The following DCBLD1 variants were observed in gnomAD, a reference collection of about 807,000 sequenced individuals.
The protein encoded by DCBLD1 is discoidin, CUB and LCCL domain containing 1, also known as discoidin, CUB and LCCL domain-containing protein 1.
DCBLD1 carries 57 observed loss-of-function variants against 71.5 expected under a neutral mutation model. The ratio of observed to expected loss-of-function variants is 0.80; its 90% CI spans 0.64 to 0.99. The LOEUF (loss-of-function observed/expected upper bound fraction) is 0.99. Ranked by LOEUF, DCBLD1 falls within the 50% of genes least tolerant of loss-of-function variation. DCBLD1 has a pLI of 0.00. For synonymous variants in DCBLD1, 380 were observed against 363.8 expected (o/e 1.04, Z -0.51); for missense variants, 891 against 923.5 (o/e 0.96, Z 0.46).
At position 117,537,363 on chromosome 6, in the gene DCBLD1, T is replaced by A. The variant is rs1778917253; in HGVS notation, c.760+138T>A. The stretch of plus-strand genomic sequence containing the variant: ...TCCTGGCTAACACAGTGAAACCCCG[T>A]CTCTACTAAAAATACAAAAAATTAG... On this transcript the variant is annotated intron_variant, in intron 7 of 14. Transcript: ENST00000338728. The A allele has an allele frequency of 1.3e-5, 9 of 709,020 alleles. No homozygotes were observed. In the South Asian group the frequency reaches 1.6e-4, roughly 13 times the overall value. 43.9% of individuals were successfully genotyped at this position (709,020 alleles called of 1,614,324 possible).
intron 1 of DCBLD1, among the ~76,000 whole-genome samples, chr6:117,501,514 A>G (rs2114416503): frequency 6.6e-6 from 1 of 152,192 alleles, no homozygotes; most frequent in East Asian, 1.9e-4. Flanking sequence ...TTGTATTTTT[A>G]GTAGACACAG....
At chr6:117,557,764 C>G (rs1439405790) in intron 14 of DCBLD1, among the ~76,000 whole-genome samples, 4 of 151,766 alleles carry the variant, frequency 2.6e-5, no homozygotes, top group Non-Finnish European at 5.9e-5. Context: ...AACTCCGTCT[C>G]AAAAAAAATA....
intron 1 of DCBLD1, among the ~76,000 whole-genome samples, chr6:117,491,646 G>A (rs1777297345): frequency 6.6e-6 from 1 of 152,024 alleles, no homozygotes; most frequent in African/African-American, 2.4e-5. Context: ...AATTTCCCAA[G>A]CTATCCTAAA....
At chr6:117,511,367 T>C (rs926181453) in intron 2 of DCBLD1, among the ~76,000 whole-genome samples, 4 of 152,208 alleles carry the variant, frequency 2.6e-5, no homozygotes, top group Non-Finnish European at 4.4e-5. Context: ...AGAAAGAAAC[T>C]CTTTACTATA....
Position 117,544,593 on chromosome 6 carries a change from T to C in DCBLD1, c.1495+16T>C. The C allele has an allele frequency of 1.2e-6, 2 of 1,613,354 alleles. No homozygotes were observed. The highest frequency in any genetic ancestry group is 1.7e-6 in the Non-Finnish European group (2 of 1,179,560). On this transcript the variant is annotated intron_variant, in intron 13 of 14. Coordinates refer to ENST00000338728, the MANE Select transcript of DCBLD1 (RefSeq NM_001366458.2). The stretch of plus-strand genomic sequence containing the variant: ...CAGAAAACAGGTTGGTTGAAAACTC[T>C]ATCTACAATTTTATCTGTCTTTGAG...
Position 117,549,556 on chromosome 6 carries a change from G to A in DCBLD1, c.*1117G>A, listed in dbSNP as rs559007551. On this transcript the variant is annotated 3_prime_UTR_variant, in exon 15 of 15. Transcript: ENST00000338728. Reference sequence around the variant, plus strand: ...AGATTTAACCTCTTTTGCCAAAGAGGGAAGTGTGTGTGTTTTTTTAATAGA... The same window carrying A: ...AGATTTAACCTCTTTTGCCAAAGAGAGAAGTGTGTGTGTTTTTTTAATAGA... 2.6e-5 allele frequency: 26 copies of A among 985,242 alleles called. 1 individual carries two copies. The South Asian group carries it at 9.9e-4, about 37-fold the overall frequency. 61.0% of individuals were successfully genotyped at this position (985,242 alleles called of 1,614,324 possible). A position where few individuals can be genotyped will look rare whatever the true frequency, so the allele number is the denominator to read the frequency against.
intron 14 of DCBLD1, chr6:117,560,473 C>CA (rs1470258344): frequency 5.2e-6 from 1 of 192,638 alleles, no homozygotes; most frequent in Non-Finnish European, 1.1e-5. Context: ...ATCAGGATGT[C>CA]AAATACTGTG....
At chr6:117,506,873 T>A (rs1030517564) in intron 2 of DCBLD1, among the ~76,000 whole-genome samples, 1 of 152,226 alleles carries the variant, frequency 6.6e-6, no homozygotes, top group African/African-American at 2.4e-5. Flanking sequence ...AGAGAATGCA[T>A]GTTCTGGAAT....
intron 2 of DCBLD1, among the ~76,000 whole-genome samples, chr6:117,508,492 A>G (rs1051868954): frequency 5.3e-5 from 8 of 152,222 alleles, no homozygotes; most frequent in Admixed American, 2.0e-4. Context: ...ATTTATTTAT[A>G]ACACTGAAGA....
chr6:117,522,156 T>G (rs1426451792), intron 4 of DCBLD1, among the ~76,000 whole-genome samples: 1 of 152,248 alleles, frequency 6.6e-6, no homozygotes, highest in Non-Finnish European at 1.5e-5. Context: ...TTAGTCACTT[T>G]GATGTACATT....
chr6:117,499,616 GATATT>G (rs1777585469), intron 1 of DCBLD1, among the ~76,000 whole-genome samples: 1 of 152,094 alleles, frequency 6.6e-6, no homozygotes, highest in Non-Finnish European at 1.5e-5. Flanking sequence ...AATACAGAGA[GATATT>G]GTATACATTT....
chr6:117,509,050 C>T (rs922751607), intron 2 of DCBLD1, among the ~76,000 whole-genome samples: 63 of 152,298 alleles, frequency 4.1e-4, no homozygotes, highest in African/African-American at 1.5e-3. Context: ...CAAGTGTGAG[C>T]CACCGCGCCT....
downstream of DCBLD1, chr6:117,549,939 A>G (rs1779398041): frequency 1.2e-6 from 1 of 836,840 alleles, no homozygotes; most frequent in Non-Finnish European, 1.4e-6. Flanking sequence ...TCTACCACAG[A>G]AGAGAAGTCT....
intron 10 of DCBLD1, 33 bp from the exon 11 acceptor site, chr6:117,540,885 C>A (rs2071825): frequency 0.48 from 775,787 of 1,613,736 alleles, 191,399 homozygotes; most frequent in South Asian, 0.61. Flanking sequence ...CATTGTTACT[C>A]ATGTGGTTTT....
rs201430056 is a variant in DCBLD1, at chr6:117,540,682, C to G, written c.1116C>G (p.Asn372Lys). Residue 372 changes from asparagine to lysine, a missense_variant, in exon 10 of 15, where the codon AAC (asparagine) becomes AAG (lysine). By Grantham distance (94) the Asn-to-Lys change is moderately conservative (BLOSUM62 0). Transcript: ENST00000338728. ...TCCTTCTATAGGTGTTTCAGGGTAA[C>G]TCTAACTTTCGGGACCCAGTGCAAA... ...VNNEEKVFQG[N>K]SNFRDPVQNN... 1 of 1,614,036 alleles carries G rather than the reference C, an allele frequency of 6.2e-7. No homozygotes were observed. Among genetic ancestry groups the G allele is most frequent in the East Asian group, 2.2e-5 (1 of 44,888 alleles).
At chr6:117,550,352 G>T (rs1779407631), downstream of DCBLD1, among the ~76,000 whole-genome samples, 1 of 152,170 alleles carries the variant, frequency 6.6e-6, no homozygotes, top group Admixed American at 6.5e-5. Flanking sequence ...TAAACTAGAG[G>T]ATAAGGGCAG....
At chr6:117,569,157 T>C (rs1046351780) in intron 14 of DCBLD1, among the ~76,000 whole-genome samples, 1 of 152,216 alleles carries the variant, frequency 6.6e-6, no homozygotes, top group Admixed American at 6.5e-5. Context: ...TCAATTTTAA[T>C]ATTCCATGAC....
At chr6:117,506,721 G>C (rs1473883909) in intron 2 of DCBLD1, among the ~76,000 whole-genome samples, 1 of 152,176 alleles carries the variant, frequency 6.6e-6, no homozygotes, top group South Asian at 2.1e-4. Context: ...AGGGTGGGAG[G>C]CACCTCTGCA....
Position 117,538,665 on chromosome 6 carries a change from C to T in DCBLD1, c.806C>T (p.Ala269Val). 1 of 1,614,084 alleles carries T rather than the reference C, an allele frequency of 6.2e-7. No homozygotes were observed. Among genetic ancestry groups the T allele is most frequent in the Non-Finnish European group, 8.5e-7 (1 of 1,180,014 alleles). The part of the protein sequence containing the change: ...LSFEPDGQIR[A>V]SSSWQSVNES... ...TTTGAACCTGACGGGCAAATCAGAG[C>T]TTCTTCCTCATGGCAGTCGGTCAAT... Residue 269 changes from alanine (A) to valine (V), a missense_variant, in exon 8 of 15, where the codon GCT becomes GTT. Physicochemically the swap from Ala to Val is moderately conservative, Grantham distance 64 (BLOSUM62 0). Coordinates refer to ENST00000338728, the MANE Select transcript of DCBLD1 (RefSeq NM_001366458.2).
Sources: gnomAD v4.1 joint callset for allele counts (sites outside exome capture counted in the v4.1 genomes callset) on GRCh38, gnomAD v4.1.1 for gene constraint, MANE v1.5 for transcripts, NCBI Gene and HGNC (gene_info 2026-07-23, HGNC 2026-07-21) for gene names.